Variants in VPS54 observed in about 807,000 individuals in gnomAD.
VPS54 encodes VPS54 subunit of GARP complex, also known as vacuolar protein sorting-associated protein 54.
In VPS54, 45 loss-of-function variants were observed where a neutral mutation model predicts 121.5. The ratio of observed to expected loss-of-function variants is 0.37; its 90% CI spans 0.29 to 0.47. The LOEUF (loss-of-function observed/expected upper bound fraction) is 0.47, where lower values mean the gene tolerates loss of function less well. Among genes scored for constraint, VPS54 ranks in the 20% least tolerant of loss-of-function variants. VPS54 has a pLI of 0.99. For synonymous variants in VPS54, 371 were observed against 385.8 expected (o/e 0.96, Z 0.45); for missense variants, 1,090 against 1,131.4 (o/e 0.96, Z 0.52).
intron 20 of VPS54, among the ~76,000 whole-genome samples, chr2:63,907,741 C>A (rs1295002075): frequency 2.6e-5 from 4 of 151,992 alleles, no homozygotes; most frequent in African/African-American, 9.7e-5. Flanking sequence ...ATAAGACAAA[C>A]AACCTAATAT....
At chr2:63,998,920 A>T (rs1214573231) in intron 1 of VPS54, among the ~76,000 whole-genome samples, 1 of 151,834 alleles carries the variant, frequency 6.6e-6, no homozygotes, top group East Asian at 1.9e-4. Flanking sequence ...TTTGCTTATT[A>T]ATCTTTTTCT....
chr2:63,994,085 G>A (rs12615049), intron 1 of VPS54, among the ~76,000 whole-genome samples: 29,762 of 152,058 alleles, frequency 0.2, 4,388 homozygotes, highest in East Asian at 0.77. Flanking sequence ...TGAGATCTGT[G>A]CCAACTCCTT....
At chr2:64,007,201 A>C (rs1258078179) in intron 1 of VPS54, among the ~76,000 whole-genome samples, 1 of 152,206 alleles carries the variant, frequency 6.6e-6, no homozygotes, top group Non-Finnish European at 1.5e-5. Flanking sequence ...AGGGGGTAAA[A>C]AGAATATTGG....
intron 1 of VPS54, among the ~76,000 whole-genome samples, chr2:63,998,265 C>A (rs1355988295): frequency 1.3e-5 from 2 of 152,114 alleles, no homozygotes; most frequent in South Asian, 2.1e-4. Flanking sequence ...TAGAGAATAT[C>A]TTTTTCCATC....
chr2:63,917,050 G>A lies in VPS54; in HGVS notation c.2165-87C>T, dbSNP rs945393176. 1.2e-5 allele frequency: 16 copies of A among 1,319,110 alleles called. No homozygotes were observed. The Admixed American group carries it at 2.6e-4, about 22-fold the overall frequency. The allele number at this position is 1,319,110 out of a possible 1,614,324, so 81.7% of individuals were successfully genotyped here. On this transcript the variant is annotated intron_variant, in intron 15 of 22. Transcript: ENST00000272322. ...GCTGAAGAAGATAATTCCTGTTTAA[G>A]GCCAAAAACTCTCATTTCTGAAAAT...
intron 3 of VPS54, chr2:63,975,092 C>CTGTA: frequency 6.7e-7 from 1 of 1,501,274 alleles, no homozygotes; most frequent in South Asian, 1.2e-5. Context: ...GTCACCCAAT[C>CTGTA]TGTAGTGCAG....
intron 14 of VPS54, 57 bp downstream of exon 14, chr2:63,920,389 G>A: frequency 7.4e-7 from 1 of 1,360,146 alleles, no homozygotes; most frequent in Non-Finnish European, 9.5e-7. Context: ...AAACATAACT[G>A]TGTTTCACAA....
At chr2:63,934,072 CA>C in intron 11 of VPS54, 59 bp from the exon 12 acceptor site, 1 of 1,438,408 alleles carries the variant, frequency 7.0e-7, no homozygotes, top group Non-Finnish European at 9.4e-7. Flanking sequence ...CTGAAGTTCC[CA>C]AAAGAGAATT....
At chr2:63,959,647 G>A (rs1014746548) in intron 7 of VPS54, among the ~76,000 whole-genome samples, 3 of 152,142 alleles carry the variant, frequency 2.0e-5, no homozygotes, top group African/African-American at 4.8e-5. Context: ...AGCACTCTGC[G>A]GAGCCGAGGA....
chr2:63,932,479 G>T (rs751851542), intron 12 of VPS54, among the ~76,000 whole-genome samples: 1 of 152,078 alleles, frequency 6.6e-6, no homozygotes, highest in Non-Finnish European at 1.5e-5. Context: ...GACACAGGGA[G>T]GGGAACATCA....
chr2:64,011,481 G>A (rs984589616), intron 1 of VPS54, among the ~76,000 whole-genome samples: 2 of 152,076 alleles, frequency 1.3e-5, no homozygotes, highest in Admixed American at 6.6e-5. Context: ...CAGAGCAATC[G>A]CTTGAACACA....
At chr2:63,911,943 T>G (rs1019923615) in intron 20 of VPS54, among the ~76,000 whole-genome samples, 3 of 152,190 alleles carry the variant, frequency 2.0e-5, no homozygotes, top group African/African-American at 4.8e-5. Context: ...ACTGCTTCAT[T>G]TAATGACATA....
intron 5 of VPS54, among the ~76,000 whole-genome samples, chr2:63,967,316 A>C (rs1206611936): frequency 6.6e-6 from 1 of 152,190 alleles, no homozygotes; most frequent in African/African-American, 2.4e-5. Context: ...TAATTCAATA[A>C]ATATTTACTG....
intron 7 of VPS54, among the ~76,000 whole-genome samples, chr2:63,960,253 C>T (rs888907270): frequency 2.4e-4 from 37 of 151,936 alleles, no homozygotes; most frequent in African/African-American, 7.2e-4. Context: ...TAAATACATA[C>T]GTAAATAATA....
chr2:63,948,406 C>G (rs4277507), intron 8 of VPS54, among the ~76,000 whole-genome samples: 10,265 of 138,486 alleles, frequency 0.074, 719 homozygotes, highest in African/African-American at 0.19. Context: ...ATAATGATCA[C>G]TTTTTCGGTT....
At chr2:63,953,080 G>A (rs1225934311) in intron 7 of VPS54, among the ~76,000 whole-genome samples, 1 of 147,486 alleles carries the variant, frequency 6.8e-6, no homozygotes, top group Non-Finnish European at 1.5e-5. Flanking sequence ...TTCCCCTCTA[G>A]AAGCCTTTTC....
chr2:63,903,896 C>CT (rs1672792254), intron 20 of VPS54, among the ~76,000 whole-genome samples: 1 of 151,906 alleles, frequency 6.6e-6, no homozygotes, highest in Admixed American at 6.6e-5. Flanking sequence ...AGATTTAAAT[C>CT]TAACTATATA....
In VPS54 at chr2:63,921,280, T is replaced by C. The variant is rs762420282; in HGVS notation, c.1795A>G (p.Ile599Val). The stretch of plus-strand genomic sequence containing the variant: ...GAGGCACTATATAATAATTCCTGGA[T>C]ATTATTTGCCAGCTTTCCTAGCTCT... The part of the protein sequence containing the change: ...DSELGKLANN[I>V]QELLYSASDI... Residue 599 changes from isoleucine to valine, a missense_variant, in exon 13 of 23, where the codon ATC (isoleucine) becomes GTC (valine). Ile to Val is a conservative substitution (Grantham distance 29). Coordinates refer to ENST00000272322, the MANE Select transcript of VPS54 (RefSeq NM_016516.3). The C allele has an allele frequency of 6.2e-7, 1 of 1,613,268 alleles. No individual in the cohort carries two copies. Among genetic ancestry groups the C allele is most frequent in the Non-Finnish European group, 8.5e-7 (1 of 1,179,546 alleles).
intron 1 of VPS54, among the ~76,000 whole-genome samples, chr2:63,985,097 ATTAC>A (rs1283975809): frequency 1.2e-4 from 19 of 152,322 alleles, no homozygotes; most frequent in African/African-American, 3.8e-4. Flanking sequence ...AAGCAGGCGG[ATTAC>A]TTGAGTCCTG....
Sources: gnomAD v4.1 joint callset for allele counts (sites outside exome capture counted in the v4.1 genomes callset) on GRCh38, gnomAD v4.1.1 for gene constraint, MANE v1.5 for transcripts, NCBI Gene and HGNC (gene_info 2026-07-23, HGNC 2026-07-21) for gene names.